The following STX7 variants were observed in gnomAD, a reference collection of about 807,000 sequenced individuals.
The protein encoded by STX7 is syntaxin 7.
A neutral mutation model predicts 39.6 loss-of-function variants in STX7; 34 were observed. That is an observed-to-expected ratio of 0.86 (90% CI 0.65 to 1.14). The LOEUF (loss-of-function observed/expected upper bound fraction) is 1.14, where lower values mean the gene tolerates loss of function less well. Ranked by LOEUF, STX7 falls within the 50% of genes most tolerant of loss-of-function variation. The probability of loss-of-function intolerance (pLI) is 0.00; values close to 1 mark genes in which losing one functional copy is unlikely to be tolerated. For missense variants in STX7, 284 were observed against 310.4 expected (o/e 0.92, Z 0.64); for synonymous variants, 119 against 99.1 (o/e 1.20, Z -1.19).
At chr6:132,499,680 T>C (rs1775505008) in intron 2 of STX7, among the ~76,000 whole-genome samples, 1 of 152,210 alleles carries the variant, frequency 6.6e-6, no homozygotes, top group Non-Finnish European at 1.5e-5. Flanking sequence ...GCTACCTTCC[T>C]GATTTCCACA....
Position 132,475,640 on chromosome 6 carries a change from C to G in STX7, c.108G>C (p.Leu36=), listed in dbSNP as rs780554229. The stretch of plus-strand genomic sequence containing the variant: ...AATCTTGAGGTGTTCCAAGTTGATT[C>G]AGAGTTCTTTGTATTTCCACAGCTA... ...TQCSVEIQRT[L]NQLGTPQDSP... Residue 36 remains leucine (L), a synonymous_variant, in exon 3 of 10, where the codon CTG becomes CTC. Transcript: ENST00000367941. The G allele has an allele frequency of 7.5e-6, 12 of 1,608,634 alleles. No homozygotes were observed. The South Asian group carries it at 1.3e-4, about 18-fold the overall frequency.
At chr6:132,471,402 T>A in intron 5 of STX7, 61 bp downstream of exon 5, 1 of 1,544,774 alleles carries the variant, frequency 6.5e-7, no homozygotes, top group Non-Finnish European at 8.7e-7. Context: ...TACTATAGAC[T>A]TTTATGGGAC....
chr6:132,460,982 T>C (rs948442237), intron 9 of STX7, 132 bp from the exon 10 acceptor site: 16 of 669,260 alleles, frequency 2.4e-5, no homozygotes, highest in Non-Finnish European at 2.2e-5. Flanking sequence ...CCTCAAATTT[T>C]TGACTGTGTT....
chr6:132,509,484 T>A (rs1463547673), intron 1 of STX7, among the ~76,000 whole-genome samples: 31 of 102,430 alleles, frequency 3.0e-4, no homozygotes, highest in Admixed American at 8.8e-4. Flanking sequence ...TAACATAACA[T>A]AACATAACAT....
chr6:132,503,322 A>T, intron 2 of STX7, 124 bp downstream of exon 2: 1 of 761,436 alleles, frequency 1.3e-6, no homozygotes. Context: ...CGAGCCCTTT[A>T]AAACCTGTTG....
intron 2 of STX7, among the ~76,000 whole-genome samples, chr6:132,477,151 A>G: frequency 6.6e-6 from 1 of 152,158 alleles, no homozygotes; most frequent in East Asian, 1.9e-4. Flanking sequence ...CATTTGGCTA[A>G]TTTAATAGGA....
At position 132,446,307 on chromosome 6, in the gene STX7, T is replaced by C. The variant is rs992148629; in HGVS notation, c.*14451A>G. The C allele has an allele frequency of 1.3e-5, 2 of 152,168 alleles. No individual in the cohort carries two copies. Among genetic ancestry groups the C allele is most frequent in the Non-Finnish European group, 2.9e-5 (2 of 68,034 alleles). 9.4% of individuals were successfully genotyped at this position (152,168 alleles called of 1,614,324 possible). On this transcript the variant is annotated 3_prime_UTR_variant, in exon 10 of 10. Transcript: ENST00000367941. ...GTACTTGGTCTGAACACAGAGTCAC[T>C]TGTGTTTCTGAAGCCTCTCTGCATC...
rs1774011527 is a variant in STX7, at chr6:132,446,309, G to GAGGCCAAGTACT, written c.*14448_*14449insAGTACTTGGCCT. On this transcript the variant is annotated 3_prime_UTR_variant, in exon 10 of 10. Coordinates refer to ENST00000367941, the MANE Select transcript of STX7 (RefSeq NM_003569.3). ...ACTTGGTCTGAACACAGAGTCACTT[G>GAGGCCAAGTACT]TGTTTCTGAAGCCTCTCTGCATCAA... The GAGGCCAAGTACT allele has an allele frequency of 1.3e-5, 2 of 152,124 alleles. No homozygotes were observed. The highest frequency in any genetic ancestry group is 1.3e-4 in the Admixed American group (2 of 15,260). The allele number at this position is 152,124 out of a possible 1,614,324, so 9.4% of individuals were successfully genotyped here. A position where few individuals can be genotyped will look rare whatever the true frequency, so the allele number is the denominator to read the frequency against.
chr6:132,505,221 AG>A (rs1775667379), intron 1 of STX7, among the ~76,000 whole-genome samples: 1 of 152,202 alleles, frequency 6.6e-6, no homozygotes, highest in Non-Finnish European at 1.5e-5. Flanking sequence ...ATTCAGTCCC[AG>A]GGTTCTGATG....
rs868472182 is a variant in STX7 at position 132,489,198 on chromosome 6, C to T, written c.86-13536G>A. Reference sequence around the variant, plus strand: ...CCTGGGCAACAGAGTGGGACTCTGTCTTAAAAAAAAAAAAAAAAAAAAAAA... The same window carrying T: ...CCTGGGCAACAGAGTGGGACTCTGTTTTAAAAAAAAAAAAAAAAAAAAAAA... On this transcript the variant is annotated intron_variant, in intron 2 of 9. Coordinates refer to ENST00000367941, the MANE Select transcript of STX7 (RefSeq NM_003569.3). 1.4e-3 allele frequency among the ~76,000 whole-genome samples: 108 copies of T among 77,858 alleles called. 1 individual carries two copies. Among genetic ancestry groups the T allele is most frequent in the Middle Eastern group, 0.012 (1 of 86 alleles). 51.1% of individuals were successfully genotyped at this position (77,858 alleles called of 152,430 possible).
At chr6:132,472,766 G>A (rs888387983) in intron 3 of STX7, among the ~76,000 whole-genome samples, 6 of 152,016 alleles carry the variant, frequency 3.9e-5, no homozygotes, top group Non-Finnish European at 7.4e-5. Flanking sequence ...GAAAAGATTT[G>A]TTACCTTAGA....
chr6:132,505,760 A>AAAAC (rs1554252688), intron 1 of STX7, among the ~76,000 whole-genome samples: 2 of 144,988 alleles, frequency 1.4e-5, no homozygotes, highest in East Asian at 2.0e-4. Flanking sequence ...AAAAAAAAAA[A>AAAAC]AAAACACAGG....
At chr6:132,489,009 C>G (rs1775210660) in intron 2 of STX7, among the ~76,000 whole-genome samples, 1 of 151,888 alleles carries the variant, frequency 6.6e-6, no homozygotes, top group South Asian at 2.1e-4. Flanking sequence ...CGAGACCAAC[C>G]TGGCCAACAT....
intron 8 of STX7, 112 bp from the exon 9 acceptor site, chr6:132,464,187 T>C: frequency 9.6e-7 from 1 of 1,045,062 alleles, no homozygotes; most frequent in Non-Finnish European, 1.5e-6. Flanking sequence ...ATTCAAAGGT[T>C]AATAGTAGTA....
rs2114331591 is a variant in STX7, at chr6:132,456,440, G to C, written c.*4318C>G. 1 of 152,060 alleles carries C rather than the reference G, an allele frequency of 6.6e-6. No individual in the cohort carries two copies. Among genetic ancestry groups the C allele is most frequent in the South Asian group, 2.1e-4 (1 of 4,812 alleles). The allele number at this position is 152,060 out of a possible 1,614,324, so 9.4% of individuals were successfully genotyped here. The stretch of plus-strand genomic sequence containing the variant: ...TGAGGGCAGGAAGCTTATTCTTTTG[G>C]TTCACTCTTAGAACACTATGCCCAG... On this transcript the variant is annotated 3_prime_UTR_variant, in exon 10 of 10. Coordinates refer to ENST00000367941, the MANE Select transcript of STX7 (RefSeq NM_003569.3).
rs1232962590 is a variant in STX7, at chr6:132,468,459, A to G, written c.554T>C (p.Ile185Thr). 1.2e-6 allele frequency: 2 copies of G among 1,602,052 alleles called. No homozygotes were observed. Among genetic ancestry groups the G allele is most frequent in the Non-Finnish European group, 8.5e-7 (1 of 1,171,382 alleles). Reference sequence around the variant, plus strand: ...TCCCAAATCTTTAAATATTTCATTAATATCCATAATATCAGCCTAAGAGAA... The same window carrying G: ...TCCCAAATCTTTAAATATTTCATTAGTATCCATAATATCAGCCTAAGAGAA... ...IRQLEADIMDINEIFKDLGMM... is the reference protein window; with the variant it reads ...IRQLEADIMDTNEIFKDLGMM... Residue 185 changes from isoleucine (I) to threonine (T), a missense_variant, in exon 8 of 10, where the codon ATT becomes ACT. Transcript: ENST00000367941.
rs1774139061 is a variant in STX7 at position 132,451,659 on chromosome 6, A to G, written c.*9099T>C. On this transcript the variant is annotated 3_prime_UTR_variant, in exon 10 of 10. Coordinates refer to ENST00000367941, the MANE Select transcript of STX7 (RefSeq NM_003569.3). ...AACAAAAAATACAACCAAAAACTCTACATATAAATCTGAGAGCTTAGATGA... is the reference window on the plus strand; with the variant it reads ...AACAAAAAATACAACCAAAAACTCTGCATATAAATCTGAGAGCTTAGATGA... The G allele has an allele frequency of 6.6e-6, 1 of 152,244 alleles. No individual in the cohort carries two copies. The highest frequency in any genetic ancestry group is 2.1e-4 in the South Asian group (1 of 4,832). The allele number at this position is 152,244 out of a possible 1,614,324, so 9.4% of individuals were successfully genotyped here.
intron 1 of STX7, among the ~76,000 whole-genome samples, chr6:132,504,911 G>C (rs1334830171): frequency 1.3e-5 from 2 of 152,230 alleles, no homozygotes; most frequent in Non-Finnish European, 2.9e-5. Context: ...CTGGGGTGGA[G>C]AGACCCAGAG....
chr6:132,501,030 A>C (rs532056141), intron 2 of STX7, among the ~76,000 whole-genome samples: 1 of 150,832 alleles, frequency 6.6e-6, no homozygotes, highest in Non-Finnish European at 1.5e-5. Context: ...GCAGATGGTG[A>C]CTGTACCTTC....
Sources: allele counts gnomAD v4.1 joint callset (sites outside exome capture counted in the v4.1 genomes callset), GRCh38; gene constraint gnomAD v4.1.1; transcripts MANE v1.5; gene names NCBI Gene and HGNC (gene_info 2026-07-23, HGNC 2026-07-21).